The following LEMD3 variants were observed in gnomAD, a reference collection of about 807,000 sequenced individuals.
The protein encoded by LEMD3 is inner nuclear membrane protein Man1.
In LEMD3, 33 loss-of-function variants were observed where a neutral mutation model predicts 95.2. The observed-to-expected ratio is 0.35, with a 90% CI of 0.26 to 0.46. The LOEUF is 0.46. Ranked by LOEUF, LEMD3 falls within the 20% of genes least tolerant of loss-of-function variation. LEMD3 has a pLI of 1.00. For missense variants in LEMD3, 1,210 were observed against 1,192.8 expected, an observed-to-expected ratio of 1.01 and a Z score of -0.21; for synonymous variants, 525 against 474.6, an observed-to-expected ratio of 1.11 and a Z score of -1.38.
intron 1 of LEMD3, among the ~76,000 whole-genome samples, chr12:65,192,301 A>G (rs1171691292): frequency 6.6e-6 from 1 of 152,196 alleles, no homozygotes. Flanking sequence ...TTGACCATAC[A>G]TAAAATTCCT....
chr12:65,244,908 G>T (rs1045375473), intron 10 of LEMD3, among the ~76,000 whole-genome samples: 1 of 151,928 alleles, frequency 6.6e-6, no homozygotes, highest in Non-Finnish European at 1.5e-5. Flanking sequence ...CCGAGATCAC[G>T]CCACTGCACT....
chr12:65,244,973 A>G (rs1871053470), intron 10 of LEMD3, among the ~76,000 whole-genome samples: 1 of 152,094 alleles, frequency 6.6e-6, no homozygotes, highest in Non-Finnish European at 1.5e-5. Flanking sequence ...TTTAACTTTT[A>G]CAACTTTAAT....
chr12:65,242,448 T>A (rs747185016), intron 9 of LEMD3, among the ~76,000 whole-genome samples: 2 of 152,198 alleles, frequency 1.3e-5, no homozygotes, highest in African/African-American at 4.8e-5. Context: ...ACTATATATT[T>A]CTGTACTAGG....
At chr12:65,223,672 T>C (rs1025318568) in intron 4 of LEMD3, among the ~76,000 whole-genome samples, 4 of 152,150 alleles carry the variant, frequency 2.6e-5, no homozygotes, top group Non-Finnish European at 5.9e-5. Flanking sequence ...TTTTTAATTA[T>C]TCATTCAGCC....
At chr12:65,174,693 G>A (rs1376136609) in intron 1 of LEMD3, among the ~76,000 whole-genome samples, 1 of 152,052 alleles carries the variant, frequency 6.6e-6, no homozygotes, top group Non-Finnish European at 1.5e-5. Context: ...TTCAACAGCA[G>A]AGTGTCTACT....
At chr12:65,212,009 G>A (rs987834065) in intron 2 of LEMD3, among the ~76,000 whole-genome samples, 13 of 152,050 alleles carry the variant, frequency 8.5e-5, no homozygotes, top group Non-Finnish European at 1.3e-4. Flanking sequence ...AAGACATACC[G>A]AGACTGGGTA....
rs536976572 is a variant in LEMD3, at chr12:65,207,223, G to A, written c.1523-3703G>A. Among the ~76,000 whole-genome samples, 8 of 152,154 alleles carry A rather than the reference G, an allele frequency of 5.3e-5. No individual in the cohort carries two copies. The South Asian group carries it at 8.3e-4, about 16-fold the overall frequency. ...GAGGGTTGTAGTAATCAAGACTATA[G>A]TACTTTTTCTGGCATTGATGAAGCT... is the stretch of plus-strand genomic sequence containing the variant. On this transcript the variant is annotated intron_variant, in intron 1 of 12. Transcript: ENST00000308330.
intron 4 of LEMD3, 97 bp downstream of exon 4, chr12:65,218,716 A>T (rs1870187035): frequency 4.0e-6 from 3 of 746,948 alleles, no homozygotes; most frequent in Admixed American, 2.2e-5. Flanking sequence ...TTTTAATTGT[A>T]CTGTTAAAAG....
intron 2 of LEMD3, among the ~76,000 whole-genome samples, chr12:65,211,797 T>A (rs1743224757): frequency 6.6e-6 from 1 of 152,240 alleles, no homozygotes; most frequent in African/African-American, 2.4e-5. Context: ...AATTTAAATT[T>A]GGTACAGTAT....
intron 1 of LEMD3, among the ~76,000 whole-genome samples, chr12:65,198,021 G>T (rs1869485645): frequency 6.6e-6 from 1 of 152,048 alleles, no homozygotes; most frequent in African/African-American, 2.4e-5. Flanking sequence ...AATTGTATGT[G>T]AAATTTATAT....
rs1305645058 is a variant in LEMD3 at position 65,246,259 on chromosome 12, A to G, written c.2670A>G (p.Lys890=). 2 of 1,613,444 alleles carry G rather than the reference A, an allele frequency of 1.2e-6. No individual in the cohort carries two copies. The highest frequency in any genetic ancestry group is 2.2e-5 in the South Asian group (2 of 91,066). ...ACACTCCATTGAAGCCATCAAATAA[A>G]CATATGAACTCCATGTCTCATCTTC... is the stretch of plus-strand genomic sequence containing the variant. ...TSNTPLKPSN[K]HMNSMSHLRL... The change falls in exon 13 of 13, where the codon AAA becomes AAG. Residue 890 remains lysine, a synonymous_variant. Coordinates refer to ENST00000308330, the MANE Select transcript of LEMD3 (RefSeq NM_014319.5).
At chr12:65,245,830 A>T in intron 11 of LEMD3, 31 bp from the exon 12 acceptor site, 1 of 1,591,578 alleles carries the variant, frequency 6.3e-7, no homozygotes, top group Non-Finnish European at 8.6e-7. Flanking sequence ...TATTAAACTA[A>T]GACTATTTTC....
At chr12:65,216,946 C>T (rs1224923117) in intron 3 of LEMD3, among the ~76,000 whole-genome samples, 3 of 152,174 alleles carry the variant, frequency 2.0e-5, no homozygotes, top group Non-Finnish European at 4.4e-5. Context: ...TCACACACTT[C>T]AAGCTAATGA....
intron 4 of LEMD3, among the ~76,000 whole-genome samples, chr12:65,222,588 T>C (rs1258618237): frequency 6.6e-6 from 1 of 152,126 alleles, no homozygotes; most frequent in Non-Finnish European, 1.5e-5. Flanking sequence ...TTGTCAATTT[T>C]GATCTTTTCA....
Position 65,235,874 on chromosome 12 carries a change from TC to T in LEMD3, c.1696-2627del, listed in dbSNP as rs1870758107. On this transcript the variant is annotated intron_variant, in intron 4 of 12. Coordinates refer to ENST00000308330, the MANE Select transcript of LEMD3 (RefSeq NM_014319.5). ...AATGATCTCATATATAAACCTTTTT[TC>T]AATCATTAAATACATTGTCTGCAAT... Among the ~76,000 whole-genome samples, 5 of 152,286 alleles carry T rather than the reference TC, an allele frequency of 3.3e-5. No homozygotes were observed. The South Asian group carries it at 1.0e-3, about 32-fold the overall frequency.
intron 4 of LEMD3, among the ~76,000 whole-genome samples, chr12:65,224,488 C>T (rs142913777): frequency 1.5e-3 from 231 of 152,064 alleles, no homozygotes; most frequent in Non-Finnish European, 2.2e-3. Context: ...TTTAATAGTA[C>T]GATGTACTGC....
intron 10 of LEMD3, among the ~76,000 whole-genome samples, chr12:65,244,283 A>AC (rs34697632): frequency 0.076 from 9,492 of 125,286 alleles, 420 homozygotes; most frequent in East Asian, 0.14. Context: ...ACACACACAC[A>AC]CACCCCCCCC....
At chr12:65,228,840 A>C (rs191610809) in intron 4 of LEMD3, among the ~76,000 whole-genome samples, 7 of 152,262 alleles carry the variant, frequency 4.6e-5, no homozygotes, top group Non-Finnish European at 1.0e-4. Context: ...TGTTGGGAAC[A>C]TTCAAAATTT....
intron 1 of LEMD3, among the ~76,000 whole-genome samples, chr12:65,189,484 T>C (rs1158713981): frequency 1.3e-5 from 2 of 152,182 alleles, no homozygotes; most frequent in African/African-American, 4.8e-5. Context: ...GTGAACTCCC[T>C]GAGTGGCCCA....
Sources: allele counts gnomAD v4.1 joint callset (sites outside exome capture counted in the v4.1 genomes callset), GRCh38; gene constraint gnomAD v4.1.1; transcripts MANE v1.5; gene names NCBI Gene and HGNC (gene_info 2026-07-23, HGNC 2026-07-21).